Variants in CYSTM1 observed in about 807,000 individuals in gnomAD.
CYSTM1 encodes cysteine-rich transmembrane module-containing protein 1.
A neutral mutation model predicts 13.1 loss-of-function variants in CYSTM1; 4 were observed. The observed-to-expected ratio is 0.31, with a 90% confidence interval of 0.15 to 0.70. The LOEUF is 0.70. Among genes scored for constraint, CYSTM1 ranks in the 30% least tolerant of loss-of-function variants. The probability of loss-of-function intolerance (pLI) is 0.72; values close to 1 mark genes in which losing one functional copy is unlikely to be tolerated. For missense variants in CYSTM1, 96 were observed against 121.6 expected (o/e 0.79, Z 0.99); for synonymous variants, 36 against 42.7 (o/e 0.84, Z 0.62).
intron 2 of CYSTM1, among the ~76,000 whole-genome samples, chr5:140,221,709 C>T (rs900168874): frequency 2.0e-5 from 3 of 152,170 alleles, no homozygotes; most frequent in Admixed American, 2.0e-4. Context: ...ACTTTCAATT[C>T]ATTTGGGTAA....
chr5:140,237,399 AGCACTGG>A (rs1258972236), intron 2 of CYSTM1, among the ~76,000 whole-genome samples: 3 of 152,210 alleles, frequency 2.0e-5, no homozygotes, highest in African/African-American at 7.2e-5. Context: ...TTGTGCAGTG[AGCACTGG>A]GCCAGAAGGC....
intron 2 of CYSTM1, among the ~76,000 whole-genome samples, chr5:140,213,939 A>G (rs988742159): frequency 4.6e-5 from 7 of 152,234 alleles, no homozygotes; most frequent in Non-Finnish European, 7.3e-5. Context: ...TTTGTCAGGG[A>G]ATATCCTTAA....
intron 2 of CYSTM1, among the ~76,000 whole-genome samples, chr5:140,223,040 AG>A (rs1230620946): frequency 6.6e-6 from 1 of 152,168 alleles, no homozygotes; most frequent in Non-Finnish European, 1.5e-5. Flanking sequence ...TCTCTGCCTC[AG>A]TGCTGTATTC....
At chr5:140,213,596 T>C (rs1764396326) in intron 2 of CYSTM1, among the ~76,000 whole-genome samples, 1 of 152,244 alleles carries the variant, frequency 6.6e-6, no homozygotes, top group Non-Finnish European at 1.5e-5. Context: ...TCCAGGCCTG[T>C]AGGCTCCATT....
At chr5:140,189,120 G>A (rs755622837) in intron 1 of CYSTM1, among the ~76,000 whole-genome samples, 45 of 152,184 alleles carry the variant, frequency 3.0e-4, no homozygotes, top group Non-Finnish European at 2.9e-4. Context: ...ATCACAGAAT[G>A]ATATAGTTTG....
intron 2 of CYSTM1, among the ~76,000 whole-genome samples, chr5:140,209,181 G>A (rs865904016): frequency 1.3e-4 from 20 of 152,184 alleles, no homozygotes; most frequent in Middle Eastern, 3.4e-3. Flanking sequence ...CAGGAGAGAG[G>A]ACAGAAGGGG....
chr5:140,218,763 C>T (rs764380602), intron 2 of CYSTM1, among the ~76,000 whole-genome samples: 19 of 152,168 alleles, frequency 1.2e-4, no homozygotes, highest in African/African-American at 3.9e-4. Context: ...GTGCTATATA[C>T]GGGGCTTTTG....
intron 2 of CYSTM1, among the ~76,000 whole-genome samples, chr5:140,241,406 C>G (rs1764747779): frequency 2.0e-5 from 3 of 152,224 alleles, no homozygotes; most frequent in Admixed American, 6.5e-5. Context: ...GCCCTCAGCA[C>G]AGGGCCTGGC....
At chr5:140,238,799 GGC>G (rs1764713993) in intron 2 of CYSTM1, among the ~76,000 whole-genome samples, 1 of 152,238 alleles carries the variant, frequency 6.6e-6, no homozygotes, top group Non-Finnish European at 1.5e-5. Context: ...CCTCCCGGAA[GGC>G]TGGTTGGCCT....
intron 1 of CYSTM1, among the ~76,000 whole-genome samples, chr5:140,190,078 C>CTG (rs1363468746): frequency 6.6e-6 from 1 of 152,088 alleles, no homozygotes; most frequent in African/African-American, 2.4e-5. Context: ...AATTAGGAGA[C>CTG]TGTACTGTAT....
At chr5:140,234,980 T>C (rs867213066) in intron 2 of CYSTM1, among the ~76,000 whole-genome samples, 4 of 151,908 alleles carry the variant, frequency 2.6e-5, no homozygotes, top group South Asian at 2.1e-4. Flanking sequence ...TTTTTTTTTT[T>C]TTTTTTGAGA....
intron 1 of CYSTM1, among the ~76,000 whole-genome samples, chr5:140,188,835 C>T (rs977841935): frequency 2.6e-4 from 40 of 151,466 alleles, no homozygotes; most frequent in African/African-American, 9.2e-4. Context: ...CCCACAATTC[C>T]AGCACCCAAG....
At chr5:140,223,658 A>G (rs968984404) in intron 2 of CYSTM1, among the ~76,000 whole-genome samples, 12 of 152,234 alleles carry the variant, frequency 7.9e-5, no homozygotes, top group African/African-American at 2.2e-4. Flanking sequence ...ACAGAGATCT[A>G]TGTGGGGTGT....
intron 2 of CYSTM1, among the ~76,000 whole-genome samples, chr5:140,200,000 T>G (rs956935640): frequency 6.6e-6 from 1 of 152,230 alleles, no homozygotes; most frequent in African/African-American, 2.4e-5. Context: ...TTAAGTTCCT[T>G]GTAGATTGTG....
chr5:140,221,871 A>G (rs1764496405), intron 2 of CYSTM1, among the ~76,000 whole-genome samples: 1 of 152,250 alleles, frequency 6.6e-6, no homozygotes, highest in Admixed American at 6.5e-5. Flanking sequence ...CTTCATTTTG[A>G]TATTTGATAG....
chr5:140,233,472 T>G (rs1167625497), intron 2 of CYSTM1, among the ~76,000 whole-genome samples: 2 of 152,212 alleles, frequency 1.3e-5, no homozygotes, highest in African/African-American at 2.4e-5. Context: ...CGTTCAGGTT[T>G]TTGTGTGAAC....
At chr5:140,187,434 G>T (rs910398700) in intron 1 of CYSTM1, among the ~76,000 whole-genome samples, 1 of 151,966 alleles carries the variant, frequency 6.6e-6, no homozygotes, top group African/African-American at 2.4e-5. Context: ...GTGTGATCAC[G>T]GCTCACCTCA....
At chr5:140,206,844 C>T (rs978868321) in intron 2 of CYSTM1, among the ~76,000 whole-genome samples, 1 of 152,044 alleles carries the variant, frequency 6.6e-6, no homozygotes, top group Admixed American at 6.5e-5. Context: ...AACACTGCCC[C>T]GGTTGGTCTT....
intron 2 of CYSTM1, among the ~76,000 whole-genome samples, chr5:140,221,309 C>A (rs556956327): frequency 6.6e-6 from 1 of 152,230 alleles, no homozygotes; most frequent in African/African-American, 2.4e-5. Context: ...CACCACCACT[C>A]ATCTCCAAAA....
Sources: allele counts gnomAD v4.1 joint callset (sites outside exome capture counted in the v4.1 genomes callset), GRCh38; gene constraint gnomAD v4.1.1; transcripts MANE v1.5; gene names NCBI Gene and HGNC (gene_info 2026-07-23, HGNC 2026-07-21).